Variants in KIF26A observed in about 807,000 individuals in gnomAD.
KIF26A encodes kinesin family member 26A, also known as kinesin-like protein KIF26A.
A neutral mutation model predicts 126.0 loss-of-function variants in KIF26A; 74 were observed. That is an observed-to-expected ratio of 0.59 (90% CI 0.49 to 0.71). The LOEUF (loss-of-function observed/expected upper bound fraction) is 0.71. KIF26A is among the 30% of genes least tolerant of loss of function. The pLI, the probability that KIF26A is intolerant of heterozygous loss-of-function variation, is 0.00. For synonymous variants in KIF26A, 1,445 were observed against 1,232.7 expected (o/e 1.17, Z -3.61); for missense variants, 2,984 against 2,763.3 (o/e 1.08, Z -1.79).
Position 104,175,992 on chromosome 14 carries a change from G to A in KIF26A, c.3204G>A (p.Ser1068=), listed in dbSNP as rs1335885758. ...DSDCSLRALA[S]GSRPVSIISS... is the part of the protein sequence containing the mutation. Reference sequence around the variant, plus strand: ...ACTGCTCCCTGCGGGCCCTGGCCTCGGGGTCCCGGCCAGTCAGCATCATCA... The same window carrying A: ...ACTGCTCCCTGCGGGCCCTGGCCTCAGGGTCCCGGCCAGTCAGCATCATCA... Residue 1068 remains serine, a synonymous_variant, in exon 12 of 15, where the codon TCG becomes TCA. Transcript: ENST00000423312. 5.1e-6 allele frequency: 8 copies of A among 1,581,476 alleles called. No individual in the cohort carries two copies. Among genetic ancestry groups the A allele is most frequent in the Middle Eastern group, 3.3e-4 (2 of 6,052 alleles).
chr14:104,166,141 CG>C (rs2037897523), intron 4 of KIF26A, among the ~76,000 whole-genome samples: 1 of 151,722 alleles, frequency 6.6e-6, no homozygotes, highest in Non-Finnish European at 1.5e-5. Flanking sequence ...AGGGTGGCAG[CG>C]GGGGCACTTC....
At chr14:104,161,344 G>A (rs1025422930) in intron 4 of KIF26A, among the ~76,000 whole-genome samples, 7 of 152,112 alleles carry the variant, frequency 4.6e-5, no homozygotes, top group Non-Finnish European at 8.8e-5. Flanking sequence ...CACCAGCCTC[G>A]CACGGCCCAG....
chr14:104,175,404 C>G lies in KIF26A; in HGVS notation c.2616C>G (p.Ala872=). The change falls in exon 12 of 15, where the codon GCC becomes GCG. Residue 872 remains alanine, a synonymous_variant. Transcript: ENST00000423312. ...GGTDGAQASP[A]RGGRKPSPPE... ...CCGACGGAGCTCAGGCCAGCCCCGC[C>G]CGAGGGGGCCGGAAGCCCTCGCCAC... 6.3e-7 allele frequency: 1 copy of G among 1,594,872 alleles called. No homozygotes were observed. Among genetic ancestry groups the G allele is most frequent in the South Asian group, 1.1e-5 (1 of 89,648 alleles).
chr14:104,138,786 G>C (rs1048044316), intron 1 of KIF26A, 22 bp downstream of exon 1: 407 of 1,261,082 alleles, frequency 3.2e-4, no homozygotes, highest in Non-Finnish European at 4.0e-4. Flanking sequence ...CCGGCCTGGA[G>C]AGGGAGGCGG....
Position 104,175,897 on chromosome 14 carries a change from G to T in KIF26A, c.3109G>T (p.Val1037Leu), listed in dbSNP as rs760292522. ...CGAGGACGAGCTGGTGTTCACGGTG[G>T]TGGAGGAGCTGTCCCTGGGGGCGCT... is the stretch of plus-strand genomic sequence containing the variant. ...NGEDELVFTVVEELSLGALAG... is the reference protein window; with the variant it reads ...NGEDELVFTVLEELSLGALAG... The change falls in exon 12 of 15, where the codon GTG becomes TTG. Residue 1037 changes from valine to leucine, a missense_variant. Physicochemically the swap from Val to Leu is conservative, Grantham distance 32. Coordinates refer to ENST00000423312, the MANE Select transcript of KIF26A (RefSeq NM_015656.2). 1 of 1,543,350 alleles carries T rather than the reference G, an allele frequency of 6.5e-7. No homozygotes were observed. Among genetic ancestry groups the T allele is most frequent in the Non-Finnish European group, 8.7e-7 (1 of 1,149,486 alleles).
intron 2 of KIF26A, among the ~76,000 whole-genome samples, chr14:104,140,150 A>G (rs1039072918): frequency 6.6e-6 from 1 of 152,092 alleles, no homozygotes; most frequent in African/African-American, 2.4e-5. Context: ...GGTTGGAGTG[A>G]GCTGAGACCC....
intron 4 of KIF26A, among the ~76,000 whole-genome samples, chr14:104,165,043 A>C (rs923435964): frequency 8.1e-5 from 11 of 135,026 alleles, no homozygotes; most frequent in African/African-American, 1.7e-4. Flanking sequence ...CTGTATGTGT[A>C]TGTGTGTCTG....
Position 104,180,604 on chromosome 14 carries a change from CTA to C in KIF26A, c.*816_*817del, listed in dbSNP as rs765805217. 1 of 153,588 alleles carries C rather than the reference CTA, an allele frequency of 6.5e-6. No homozygotes were observed. The highest frequency in any genetic ancestry group is 2.4e-5 in the African/African-American group (1 of 41,416). The allele number at this position is 153,588 out of a possible 1,614,324, so 9.5% of individuals were successfully genotyped here. The stretch of plus-strand genomic sequence containing the variant: ...CCGTGGGAATTTGAAGACAAATGAT[CTA>C]TGTTTTTATGGTTTTCTAGGGAAGG... On this transcript the variant is annotated 3_prime_UTR_variant, in exon 15 of 15. Coordinates refer to ENST00000423312, the MANE Select transcript of KIF26A (RefSeq NM_015656.2).
intron 7 of KIF26A, 80 bp downstream of exon 7, chr14:104,172,748 C>T (rs1480619091): frequency 4.4e-5 from 54 of 1,220,754 alleles, no homozygotes; most frequent in Non-Finnish European, 6.2e-5. Context: ...CTGGCAGCTT[C>T]TGATGGGAAA....
chr14:104,146,378 A>C (rs545416603), intron 2 of KIF26A, among the ~76,000 whole-genome samples: 1 of 151,858 alleles, frequency 6.6e-6, no homozygotes, highest in Non-Finnish European at 1.5e-5. Context: ...CTTGTGGGGC[A>C]TGGGGTCCCT....
chr14:104,177,352 G>A lies in KIF26A; in HGVS notation c.4564G>A (p.Val1522Met). Residue 1522 changes from valine (V) to methionine (M), a missense_variant, in exon 12 of 15, where the codon GTG becomes ATG. Transcript: ENST00000423312. ...TTCGGTGAAGCTGTCTACGGCCTCT[G>A]TGACGGGCAGGAGCCCTGGCGGCCC... Reference protein sequence around the residue: ...GPSVKLSTASVTGRSPGGPVA... With the variant: ...GPSVKLSTASMTGRSPGGPVA... 1 of 1,494,558 alleles carries A rather than the reference G, an allele frequency of 6.7e-7. No homozygotes were observed. The highest frequency in any genetic ancestry group is 8.9e-7 in the Non-Finnish European group (1 of 1,125,156). The allele number at this position is 1,494,558 out of a possible 1,614,324, so 92.6% of individuals were successfully genotyped here. A position where few individuals can be genotyped will look rare whatever the true frequency, so the allele number is the denominator to read the frequency against.
intron 2 of KIF26A, among the ~76,000 whole-genome samples, chr14:104,143,311 C>T (rs539468656): frequency 1.4e-4 from 22 of 152,330 alleles, no homozygotes; most frequent in African/African-American, 4.8e-4. Context: ...CTCCGGGTGG[C>T]CCCTGTGTAC....
intron 4 of KIF26A, among the ~76,000 whole-genome samples, chr14:104,166,029 G>C (rs577416555): frequency 6.6e-6 from 1 of 152,268 alleles, no homozygotes; most frequent in Admixed American, 6.5e-5. Context: ...TTCCCTGGGG[G>C]CACTGTGGGT....
chr14:104,176,739 G>A lies in KIF26A; in HGVS notation c.3951G>A (p.Thr1317=), dbSNP rs780470992. The A allele has an allele frequency of 4.8e-5, 76 of 1,587,258 alleles. No homozygotes were observed. Among genetic ancestry groups the A allele is most frequent in the African/African-American group, 1.6e-4 (12 of 74,520 alleles). The part of the protein sequence containing the change: ...RRGATTLGVT[T]PAVSWGDAPT... ...GTGCCACCACGCTGGGTGTGACAAC[G>A]CCAGCTGTGTCCTGGGGAGATGCTC... The change falls in exon 12 of 15, where the codon ACG becomes ACA. Residue 1317 remains threonine (T), a synonymous_variant. Coordinates refer to ENST00000423312, the MANE Select transcript of KIF26A (RefSeq NM_015656.2).
At chr14:104,156,741 G>A (rs537672280) in intron 3 of KIF26A, among the ~76,000 whole-genome samples, 2 of 152,280 alleles carry the variant, frequency 1.3e-5, no homozygotes, top group South Asian at 2.1e-4. Context: ...CTGACGTGCC[G>A]TGCCTGGCCT....
At position 104,171,872 on chromosome 14, in the gene KIF26A, C is replaced by T. The variant is rs2037961163; in HGVS notation, c.1263C>T (p.Ala421=). 3.9e-6 allele frequency: 6 copies of T among 1,558,048 alleles called. No homozygotes were observed. Among genetic ancestry groups the T allele is most frequent in the African/African-American group, 1.4e-5 (1 of 73,464 alleles). ...GPPGSAGPRR[A]ATAAVPKMFA... The stretch of plus-strand genomic sequence containing the variant: ...CAGGCAGCGCAGGCCCCCGGCGAGC[C>T]GCCACTGCTGCAGTTCCCAAGATGT... Residue 421 remains alanine (A), a synonymous_variant, in exon 6 of 15, where the codon GCC becomes GCT. Transcript: ENST00000423312.
At position 104,177,470 on chromosome 14, in the gene KIF26A, G is replaced by A. The variant is rs760759854; in HGVS notation, c.4682G>A (p.Arg1561Gln). The change falls in exon 12 of 15, where the codon CGG (arginine) becomes CAG (glutamine). Residue 1561 changes from arginine to glutamine, a missense_variant. Arg to Gln is a conservative substitution (Grantham distance 43). Coordinates refer to ENST00000423312, the MANE Select transcript of KIF26A (RefSeq NM_015656.2). ...GTCATGGGCACAAAGCAGGCGCTCC[G>A]GGCTGCTCACAGCCGCGTCCATGAG... ...GTVMGTKQAL[R>Q]AAHSRVHELS... The A allele has an allele frequency of 6.5e-5, 100 of 1,532,816 alleles. No homozygotes were observed. Among genetic ancestry groups the A allele is most frequent in the Admixed American group, 9.9e-5 (5 of 50,746 alleles). The allele number at this position is 1,532,816 out of a possible 1,614,324, so 95.0% of individuals were successfully genotyped here.
intron 6 of KIF26A, 125 bp from the exon 7 acceptor site, chr14:104,172,450 C>A: frequency 1.6e-6 from 1 of 644,516 alleles, no homozygotes; most frequent in East Asian, 2.7e-5. Flanking sequence ...TCCTTGGTCC[C>A]AGGTGTGCAG....
Position 104,173,786 on chromosome 14 carries a change from G to T in KIF26A, c.1948G>T (p.Gly650Trp). ...GGCTGGCAGGGCCGGGGAGGCTGCT[G>T]GGGGTCCCCTGTGTCTGTCCCTGTC... ...AAAGRAGEAA[G>W]GPLCLSLSAL... is the part of the protein sequence containing the mutation. The change falls in exon 10 of 15, where the codon GGG becomes TGG. Residue 650 changes from glycine (G) to tryptophan (W), a missense_variant. Gly to Trp is a radical substitution (Grantham distance 184). Transcript: ENST00000423312. 1 of 1,607,236 alleles carries T rather than the reference G, an allele frequency of 6.2e-7. No homozygotes were observed.
Sources: gnomAD v4.1 joint callset for allele counts (sites outside exome capture counted in the v4.1 genomes callset) on GRCh38, gnomAD v4.1.1 for gene constraint, MANE v1.5 for transcripts, NCBI Gene and HGNC (gene_info 2026-07-23, HGNC 2026-07-21) for gene names.